Variants in ADGRV1 observed in about 807,000 individuals in gnomAD.
ADGRV1 encodes adhesion G protein-coupled receptor V1.
ADGRV1 carries 359 observed loss-of-function variants against 596.2 expected under a neutral mutation model. The ratio of observed to expected loss-of-function variants is 0.60; its 90% confidence interval spans 0.55 to 0.66. The LOEUF (loss-of-function observed/expected upper bound fraction) is 0.66, where lower values mean the gene tolerates loss of function less well. ADGRV1 is among the 30% of genes least tolerant of loss of function. The pLI, the probability that ADGRV1 is intolerant of heterozygous loss-of-function variation, is 0.00. For missense variants in ADGRV1, 7,274 were observed against 7,575.6 expected (o/e 0.96, Z 1.48); for synonymous variants, 2,681 against 2,679.2 (o/e 1.00, Z -0.02).
intron 75 of ADGRV1, chr5:90,822,179 C>A (rs1044966487): frequency 5.2e-5 from 8 of 153,646 alleles, no homozygotes; most frequent in Non-Finnish European, 8.7e-5. Context: ...ACCCGATTTT[C>A]CAGGTGCGTC....
chr5:90,689,799 A>G lies in ADGRV1; in HGVS notation c.6491-62A>G, dbSNP rs984938966. On this transcript the variant is annotated intron_variant, in intron 29 of 89. Coordinates refer to ENST00000405460, the MANE Select transcript of ADGRV1 (RefSeq NM_032119.4). ...GTTTGTTACCTGATAGTTTTTCCCT[A>G]GTATATGGAATGTTTTGATCATATT... The G allele has an allele frequency of 4.4e-6, 5 of 1,132,372 alleles. No individual in the cohort carries two copies. The African/African-American group carries it at 7.7e-5, about 17-fold the overall frequency. 70.1% of individuals were successfully genotyped at this position (1,132,372 alleles called of 1,614,324 possible). A position where few individuals can be genotyped will look rare whatever the true frequency, so the allele number is the denominator to read the frequency against.
At chr5:90,992,922 T>C (rs1273283299) in intron 85 of ADGRV1, among the ~76,000 whole-genome samples, 1 of 152,182 alleles carries the variant, frequency 6.6e-6, no homozygotes, top group Non-Finnish European at 1.5e-5. Flanking sequence ...AGTTTACATA[T>C]ACCTTTTATC....
At chr5:91,049,960 T>G (rs1237105748) in intron 85 of ADGRV1, among the ~76,000 whole-genome samples, 1 of 152,192 alleles carries the variant, frequency 6.6e-6, no homozygotes, top group Non-Finnish European at 1.5e-5. Context: ...TACAGACTTA[T>G]CAGTTATCTA....
chr5:90,945,328 T>C (rs1247140728), intron 83 of ADGRV1, among the ~76,000 whole-genome samples: 1 of 151,888 alleles, frequency 6.6e-6, no homozygotes, highest in East Asian at 1.9e-4. Context: ...CCACCAAAAC[T>C]AGGAGGAGGC....
intron 1 of ADGRV1, among the ~76,000 whole-genome samples, chr5:90,580,246 G>T (rs919908858): frequency 1.3e-5 from 2 of 152,182 alleles, no homozygotes; most frequent in South Asian, 4.1e-4. Context: ...GCAGTGGCTG[G>T]TACCGATTGT....
chr5:90,957,621 T>A (rs896244756), intron 83 of ADGRV1, among the ~76,000 whole-genome samples: 1 of 148,136 alleles, frequency 6.8e-6, no homozygotes, highest in Non-Finnish European at 1.5e-5. Flanking sequence ...TAACTATATA[T>A]GTTATATATT....
intron 85 of ADGRV1, among the ~76,000 whole-genome samples, chr5:91,018,414 G>A (rs1783353014): frequency 6.6e-6 from 1 of 151,990 alleles, no homozygotes; most frequent in African/African-American, 2.4e-5. Context: ...CATAGTGGGA[G>A]AGAGGTTTTG....
At chr5:90,710,613 T>G (rs1462526012) in intron 39 of ADGRV1, among the ~76,000 whole-genome samples, 1 of 152,140 alleles carries the variant, frequency 6.6e-6, no homozygotes, top group African/African-American at 2.4e-5. Flanking sequence ...TTTTGCTCTT[T>G]CTACTCCTTC....
At chr5:90,607,811 A>C (rs1461656793) in intron 1 of ADGRV1, among the ~76,000 whole-genome samples, 1 of 152,184 alleles carries the variant, frequency 6.6e-6, no homozygotes, top group Non-Finnish European at 1.5e-5. Flanking sequence ...CCATATATTC[A>C]GAGCATCCCA....
chr5:90,843,121 A>G (rs1765576712), intron 78 of ADGRV1, among the ~76,000 whole-genome samples: 1 of 152,158 alleles, frequency 6.6e-6, no homozygotes, highest in Non-Finnish European at 1.5e-5. Flanking sequence ...CTATCAATAT[A>G]TCATTAGGTT....
chr5:91,089,149 T>C (rs928904443), intron 86 of ADGRV1, among the ~76,000 whole-genome samples: 1 of 152,172 alleles, frequency 6.6e-6, no homozygotes, highest in Non-Finnish European at 1.5e-5. Flanking sequence ...ATAACACAGA[T>C]ATCAAAGAGC....
intron 83 of ADGRV1, among the ~76,000 whole-genome samples, chr5:90,866,720 C>A (rs1768146449): frequency 6.6e-6 from 1 of 152,004 alleles, no homozygotes; most frequent in African/African-American, 2.4e-5. Context: ...TTGAATATAT[C>A]TTTCTACTGC....
intron 87 of ADGRV1, among the ~76,000 whole-genome samples, chr5:91,140,580 G>A (rs1795014410): frequency 6.6e-6 from 1 of 151,816 alleles, no homozygotes; most frequent in African/African-American, 2.4e-5. Flanking sequence ...AATTATCCTT[G>A]GATGCCAAAC....
At chr5:90,844,485 G>C (rs910438116) in intron 78 of ADGRV1, among the ~76,000 whole-genome samples, 1 of 152,114 alleles carries the variant, frequency 6.6e-6, no homozygotes, top group Non-Finnish European at 1.5e-5. Context: ...TGTGGGTTCA[G>C]GCAAATTTTT....
Position 90,675,228 on chromosome 5 carries a change from C to G in ADGRV1, c.5111-15C>G. On this transcript the variant is annotated splice_polypyrimidine_tract_variant and intron_variant, in intron 23 of 89. Transcript: ENST00000405460. ...GTTCATTGGGACAATGCCCTGGCCC[C>G]TTTGTCTCCACTAGGCTTGCTGCAG... 6.2e-7 allele frequency: 1 copy of G among 1,609,660 alleles called. No individual in the cohort carries two copies. Among genetic ancestry groups the G allele is most frequent in the South Asian group, 1.1e-5 (1 of 90,590 alleles).
intron 83 of ADGRV1, among the ~76,000 whole-genome samples, chr5:90,921,796 GTTTTTT>G (rs571601390): frequency 8.0e-6 from 1 of 124,410 alleles, no homozygotes; most frequent in Non-Finnish European, 1.7e-5. Context: ...GTTGTGTCTT[GTTTTTT>G]TTTTTTTTTT....
chr5:90,601,265 G>A (rs767337672), intron 1 of ADGRV1, among the ~76,000 whole-genome samples: 68 of 151,126 alleles, frequency 4.5e-4, no homozygotes, highest in Admixed American at 1.3e-3. Context: ...AAGGGAAAAC[G>A]AATTCTTGTA....
intron 42 of ADGRV1, 97 bp downstream of exon 42, chr5:90,712,525 T>C (rs1320210142): frequency 1.1e-6 from 1 of 923,718 alleles, no homozygotes; most frequent in African/African-American, 1.7e-5. Context: ...TTGGTGGTTT[T>C]CTGTGCTTAA....
chr5:90,613,565 G>A (rs1762972483), intron 1 of ADGRV1, among the ~76,000 whole-genome samples: 1 of 152,058 alleles, frequency 6.6e-6, no homozygotes, highest in Admixed American at 6.6e-5. Flanking sequence ...CTTCTGGCAG[G>A]TTTGCCTGGA....
Sources: allele counts gnomAD v4.1 joint callset (sites outside exome capture counted in the v4.1 genomes callset), GRCh38; gene constraint gnomAD v4.1.1; transcripts MANE v1.5; gene names NCBI Gene and HGNC (gene_info 2026-07-23, HGNC 2026-07-21).